Variants in HTR7 observed in about 807,000 individuals in gnomAD.
HTR7 encodes the protein 5-HT-7.
In HTR7, 16 loss-of-function variants were observed where a neutral mutation model predicts 34.0. The observed-to-expected ratio is 0.47, with a 90% CI of 0.32 to 0.71. The LOEUF (loss-of-function observed/expected upper bound fraction) is 0.71. Among genes scored for constraint, HTR7 ranks in the 30% least tolerant of loss-of-function variants. HTR7 has a pLI of 0.04. For missense variants in HTR7, 504 were observed against 625.5 expected (o/e 0.81, Z 2.07); for synonymous variants, 265 against 260.2 (o/e 1.02, Z -0.18).
At chr10:90,817,584 C>A (rs973207646) in intron 1 of HTR7, among the ~76,000 whole-genome samples, 3 of 152,198 alleles carry the variant, frequency 2.0e-5, no homozygotes, top group African/African-American at 7.2e-5. Flanking sequence ...CCATCCCCCA[C>A]CCTTTTTAAG....
intron 1 of HTR7, among the ~76,000 whole-genome samples, chr10:90,753,258 G>A (rs747869716): frequency 6.7e-6 from 1 of 150,010 alleles, no homozygotes; most frequent in Non-Finnish European, 1.5e-5. Flanking sequence ...AAAGCCAGGC[G>A]CAGTGGCTCA....
At chr10:90,777,567 G>C (rs901262820) in intron 1 of HTR7, among the ~76,000 whole-genome samples, 2 of 151,732 alleles carry the variant, frequency 1.3e-5, no homozygotes, top group South Asian at 4.1e-4. Flanking sequence ...AAGGCCAAAA[G>C]GCAAAAGATA....
intron 1 of HTR7, among the ~76,000 whole-genome samples, chr10:90,825,987 C>G (rs1846067585): frequency 6.6e-6 from 1 of 152,020 alleles, no homozygotes; most frequent in Admixed American, 6.6e-5. Context: ...AGAAAGCTAT[C>G]AATATCCAAG....
At chr10:90,764,167 G>A (rs1360742361) in intron 1 of HTR7, among the ~76,000 whole-genome samples, 1 of 152,144 alleles carries the variant, frequency 6.6e-6, no homozygotes, top group Non-Finnish European at 1.5e-5. Context: ...GGCTGGAGAT[G>A]GTATCTCATT....
intron 1 of HTR7, among the ~76,000 whole-genome samples, chr10:90,764,761 C>T (rs1844994851): frequency 6.6e-6 from 1 of 152,070 alleles, no homozygotes; most frequent in African/African-American, 2.4e-5. Context: ...TTAAAGAAAA[C>T]AATTTCAGCT....
intron 1 of HTR7, among the ~76,000 whole-genome samples, chr10:90,773,640 CCTT>C (rs1467547247): frequency 6.6e-6 from 1 of 151,984 alleles, no homozygotes; most frequent in Non-Finnish European, 1.5e-5. Context: ...TGGTAACCAT[CCTT>C]CTACTCTCTA....
chr10:90,778,497 T>C (rs890099181), intron 1 of HTR7, among the ~76,000 whole-genome samples: 5 of 152,182 alleles, frequency 3.3e-5, no homozygotes, highest in African/African-American at 1.2e-4. Context: ...CCCTCAACCT[T>C]GGACTTCTCA....
At chr10:90,787,012 G>A (rs537527467) in intron 1 of HTR7, among the ~76,000 whole-genome samples, 1 of 152,314 alleles carries the variant, frequency 6.6e-6, no homozygotes, top group South Asian at 2.1e-4. Flanking sequence ...GAGTAGGACA[G>A]AAATCTAGAA....
chr10:90,857,769 G>A lies in HTR7; in HGVS notation c.-98C>T, dbSNP rs2120148473. 1.6e-6 allele frequency: 2 copies of A among 1,254,048 alleles called. No individual in the cohort carries two copies. Among genetic ancestry groups the A allele is most frequent in the Non-Finnish European group, 2.1e-6 (2 of 974,318 alleles). The allele number at this position is 1,254,048 out of a possible 1,614,324, so 77.7% of individuals were successfully genotyped here. A position where few individuals can be genotyped will look rare whatever the true frequency, so the allele number is the denominator to read the frequency against. ...TCACCTCACCGGTTCCGCTCCGCCC[G>A]GCCCAGCCATGGGGCCCGCGCCGAC... On this transcript the variant is annotated 5_prime_UTR_variant, in exon 1 of 4. Transcript: ENST00000336152. This position sits in a 1 kb window ranked among gnomAD's most constrained non-coding sequence, Gnocchi z 6.5.
intron 1 of HTR7, among the ~76,000 whole-genome samples, chr10:90,821,153 C>CA (rs1554857329): frequency 9.2e-5 from 14 of 151,916 alleles, no homozygotes; most frequent in African/African-American, 2.7e-4. Flanking sequence ...CACACACACA[C>CA]AAGCACCTTC....
At chr10:90,809,256 C>T (rs1281771499) in intron 1 of HTR7, among the ~76,000 whole-genome samples, 1 of 152,200 alleles carries the variant, frequency 6.6e-6, no homozygotes, top group Non-Finnish European at 1.5e-5. Flanking sequence ...GCAATTTACT[C>T]TTAAAAAGGT....
chr10:90,761,365 T>C (rs545744279), intron 1 of HTR7, among the ~76,000 whole-genome samples: 2 of 152,342 alleles, frequency 1.3e-5, no homozygotes, highest in African/African-American at 4.8e-5. Flanking sequence ...TATCACTTTC[T>C]CTTTTTTAAT....
At chr10:90,762,565 T>C (rs567376339) in intron 1 of HTR7, among the ~76,000 whole-genome samples, 2 of 152,210 alleles carry the variant, frequency 1.3e-5, no homozygotes, top group African/African-American at 4.8e-5. Context: ...TTCTGAATAT[T>C]TTCTCCCATT....
rs537951538 is a variant in HTR7, at chr10:90,773,074, T to C, written c.540-23480A>G. 1.6e-4 allele frequency among the ~76,000 whole-genome samples: 25 copies of C among 152,348 alleles called. No homozygotes were observed. The South Asian group carries it at 4.6e-3, about 28-fold the overall frequency. The stretch of plus-strand genomic sequence containing the variant: ...CTTCTCATATAATCCCAATTTTCCA[T>C]TTCCAGTTGAAGAATAACTGAAATT... On this transcript the variant is annotated intron_variant, in intron 1 of 3. Coordinates refer to ENST00000336152, the MANE Select transcript of HTR7 (RefSeq NM_019859.4).
chr10:90,764,937 T>C (rs1844997737), intron 1 of HTR7, among the ~76,000 whole-genome samples: 1 of 152,170 alleles, frequency 6.6e-6, no homozygotes, highest in African/African-American at 2.4e-5. Flanking sequence ...AGTATTAATA[T>C]TATGCTGAGG....
chr10:90,766,923 G>A (rs1255573729), intron 1 of HTR7, among the ~76,000 whole-genome samples: 1 of 152,226 alleles, frequency 6.6e-6, no homozygotes, highest in Non-Finnish European at 1.5e-5. Flanking sequence ...GACAGACAGA[G>A]CTTCCTGTTG....
chr10:90,812,231 A>G lies in HTR7; in HGVS notation c.539+44902T>C, dbSNP rs574357625. Among the ~76,000 whole-genome samples, 223 of 151,824 alleles carry G rather than the reference A, an allele frequency of 1.5e-3. 2 individuals carry two copies. Among genetic ancestry groups the G allele is most frequent in the African/African-American group, 5.2e-3 (214 of 41,408 alleles). The stretch of plus-strand genomic sequence containing the variant: ...CCAGACCAACTTAGACTGTGCCCCA[A>G]AAAAACTTGTCATCCCTACTATCTT... On this transcript the variant is annotated intron_variant, in intron 1 of 3. Transcript: ENST00000336152.
chr10:90,774,972 C>T (rs1315047385), intron 1 of HTR7, among the ~76,000 whole-genome samples: 1 of 152,154 alleles, frequency 6.6e-6, no homozygotes, highest in African/African-American at 2.4e-5. Flanking sequence ...TGAAACATGA[C>T]TGCGTGCAGC....
At chr10:90,743,557 C>T (rs1280763063) in intron 3 of HTR7, 36 bp downstream of exon 3, 1 of 1,489,192 alleles carries the variant, frequency 6.7e-7, no homozygotes, top group Non-Finnish European at 9.4e-7. Context: ...CAGACCACAG[C>T]ACTATCTCCA....
Sources: allele counts gnomAD v4.1 joint callset (sites outside exome capture counted in the v4.1 genomes callset), GRCh38; gene constraint gnomAD v4.1.1; non-coding constraint Gnocchi (gnomAD v3.1); transcripts MANE v1.5; gene names NCBI Gene and HGNC (gene_info 2026-07-23, HGNC 2026-07-21).